KCNQ1: variants seen among roughly 807,000 people sequenced by gnomAD.
KCNQ1 encodes the protein potassium voltage-gated channel subfamily Q member 1.
A neutral mutation model predicts 72.4 loss-of-function variants in KCNQ1; 49 were observed. That is an observed-to-expected ratio of 0.68 (90% CI 0.54 to 0.86). The LOEUF (loss-of-function observed/expected upper bound fraction) is 0.86, where lower values mean the gene tolerates loss of function less well. Among genes scored for constraint, KCNQ1 ranks in the 40% least tolerant of loss-of-function variants. KCNQ1 has a pLI of 0.00. For missense variants in KCNQ1, 790 were observed against 945.1 expected, an observed-to-expected ratio of 0.84 and a Z score of 2.15; for synonymous variants, 450 against 412.6, an observed-to-expected ratio of 1.09 and a Z score of -1.10.
chr11:2,558,478 C>T (rs551149515), intron 2 of KCNQ1, among the ~76,000 whole-genome samples: 44 of 152,324 alleles, frequency 2.9e-4, no homozygotes, highest in Non-Finnish European at 5.0e-4. Context: ...AAGCCCAGTT[C>T]GGAGCAGAGA....
intron 2 of KCNQ1, among the ~76,000 whole-genome samples, chr11:2,558,170 A>T (rs1312416599): frequency 6.6e-6 from 1 of 152,068 alleles, no homozygotes; most frequent in African/African-American, 2.4e-5. Context: ...CCCCTACATC[A>T]CTCCAGCTGC....
In KCNQ1 at chr11:2,746,018, T is replaced by G. The variant is rs971624113; in HGVS notation, c.1515-22826T>G. ...GATTGTCTCACCTCAGCCTCCTGAG[T>G]AGCTGGGACTACAGGTGTGCGCCAC... On this transcript the variant is annotated intron_variant, in intron 11 of 15. Transcript: ENST00000155840. The surrounding 1 kb of genome is among the most constrained non-coding windows in gnomAD (Gnocchi z 5.9). Among the ~76,000 whole-genome samples, 3 of 152,138 alleles carry G rather than the reference T, an allele frequency of 2.0e-5. No homozygotes were observed. The highest frequency in any genetic ancestry group is 7.2e-5 in the African/African-American group (3 of 41,422).
intron 10 of KCNQ1, among the ~76,000 whole-genome samples, chr11:2,589,317 C>G (rs1164863818): frequency 1.3e-5 from 2 of 152,186 alleles, no homozygotes; most frequent in African/African-American, 4.8e-5. Context: ...GGGACAGGCC[C>G]TTCTCATGCA....
chr11:2,570,845 A>G, intron 3 of KCNQ1, 91 bp downstream of exon 3: 1 of 1,565,524 alleles, frequency 6.4e-7, no homozygotes, highest in Admixed American at 1.7e-5. Context: ...GGAGTCCCCT[A>G]AGGACTGGGG....
At chr11:2,552,615 G>A (rs572409783) in intron 2 of KCNQ1, among the ~76,000 whole-genome samples, 19 of 152,294 alleles carry the variant, frequency 1.2e-4, no homozygotes, top group Admixed American at 7.8e-4. Flanking sequence ...AATTTTGATT[G>A]GCATTGCATT....
chr11:2,699,894 C>A (rs1850764388), intron 11 of KCNQ1: 2 of 398,156 alleles, frequency 5.0e-6, no homozygotes, highest in Non-Finnish European at 8.9e-6. Context: ...GAGGACCACG[C>A]TGAGAGGCAC....
rs1360193771 is a variant in KCNQ1 at position 2,562,299 on chromosome 11, G to C, written c.478-8329G>C. Among the ~76,000 whole-genome samples the C allele has an allele frequency of 6.6e-6, 1 of 152,168 alleles. No homozygotes were observed. Among genetic ancestry groups the C allele is most frequent in the Non-Finnish European group, 1.5e-5 (1 of 67,998 alleles). On this transcript the variant is annotated intron_variant, in intron 2 of 15. Transcript: ENST00000155840. This position sits in a 1 kb window ranked among gnomAD's most constrained non-coding sequence, Gnocchi z 7.5. ...GGGGGCCCACAAGCTCTCAGCACAG[G>C]CTGGCGGCTGGGAGCAGCTGGCCAC...
chr11:2,831,117 C>T (rs1027254483), intron 15 of KCNQ1, among the ~76,000 whole-genome samples: 7 of 152,324 alleles, frequency 4.6e-5, no homozygotes, highest in Admixed American at 3.9e-4. Context: ...TGCCTGCTTC[C>T]CAGTATGGCT....
chr11:2,573,555 G>T (rs976021381), intron 6 of KCNQ1, among the ~76,000 whole-genome samples: 1 of 152,228 alleles, frequency 6.6e-6, no homozygotes, highest in African/African-American at 2.4e-5. Flanking sequence ...AAGTTCTGGA[G>T]CCGGGCCTGG....
intron 11 of KCNQ1, among the ~76,000 whole-genome samples, chr11:2,717,436 T>G (rs1430564038): frequency 6.6e-6 from 1 of 152,206 alleles, no homozygotes; most frequent in African/African-American, 2.4e-5. Context: ...ACAGGGAGAC[T>G]TCTGGGTAGC....
chr11:2,473,088 G>T lies in KCNQ1; in HGVS notation c.386+27604G>T, dbSNP rs564769306. On this transcript the variant is annotated intron_variant, in intron 1 of 15. Transcript: ENST00000155840. The surrounding 1 kb of genome is among the most constrained non-coding windows in gnomAD (Gnocchi z 6.0). ...TGGGGAGCGCCTTCTGGGCAGAGTG[G>T]CACACAGGGTCCCACCCATCTCAAG... Among the ~76,000 whole-genome samples, 2 of 152,198 alleles carry T rather than the reference G, an allele frequency of 1.3e-5. No homozygotes were observed. Among genetic ancestry groups the T allele is most frequent in the Non-Finnish European group, 2.9e-5 (2 of 68,002 alleles).
At chr11:2,708,143 G>GT (rs1398204326) in intron 11 of KCNQ1, among the ~76,000 whole-genome samples, 1 of 152,228 alleles carries the variant, frequency 6.6e-6, no homozygotes, top group East Asian at 1.9e-4. Context: ...ACACAACATT[G>GT]TTTTTTATGG....
intron 1 of KCNQ1, among the ~76,000 whole-genome samples, chr11:2,461,072 C>T (rs1291599030): frequency 6.6e-6 from 1 of 152,174 alleles, no homozygotes; most frequent in Non-Finnish European, 1.5e-5. Context: ...GAGCCAATGG[C>T]CGTGGCTGGG....
At position 2,468,245 on chromosome 11, in the gene KCNQ1, CAA is replaced by C. The variant is rs1457974861; in HGVS notation, c.386+22762_386+22763del. Among the ~76,000 whole-genome samples, 1 of 152,142 alleles carries C rather than the reference CAA, an allele frequency of 6.6e-6. No individual in the cohort carries two copies. The highest frequency in any genetic ancestry group is 6.5e-5 in the Admixed American group (1 of 15,288). On this transcript the variant is annotated intron_variant, in intron 1 of 15. Coordinates refer to ENST00000155840, the MANE Select transcript of KCNQ1 (RefSeq NM_000218.3). This position sits in a 1 kb window ranked among gnomAD's most constrained non-coding sequence, Gnocchi z 5.7. Reference sequence around the variant, plus strand: ...CACTGCAGCCTCGACCTCCCTGGCTCAAGAGATCCTCCCGCCTCAGCCTCCTG... The same window carrying C: ...CACTGCAGCCTCGACCTCCCTGGCTCGAGATCCTCCCGCCTCAGCCTCCTG...
At chr11:2,540,094 C>G (rs754739621) in intron 2 of KCNQ1, among the ~76,000 whole-genome samples, 1 of 152,082 alleles carries the variant, frequency 6.6e-6, no homozygotes, top group Non-Finnish European at 1.5e-5. Context: ...TAGGATCCAC[C>G]CTGTGGGGCC....
At position 2,828,325 on chromosome 11, in the gene KCNQ1, CAT is replaced by C. The variant is rs1375094165; in HGVS notation, c.1795-19441_1795-19440del. On this transcript the variant is annotated intron_variant, in intron 15 of 15. Transcript: ENST00000155840. This position sits in a 1 kb window ranked among gnomAD's most constrained non-coding sequence, Gnocchi z 5.3. ...ACTGGTTAAACGTGATGGGTAAACA[CAT>C]GTCTATTTCAGCTTCTTTGAATCCC... is the stretch of plus-strand genomic sequence containing the variant. 6.6e-6 allele frequency among the ~76,000 whole-genome samples: 1 copy of C among 152,198 alleles called. No homozygotes were observed. The highest frequency in any genetic ancestry group is 2.4e-5 in the African/African-American group (1 of 41,450).
chr11:2,701,314 A>T (rs1003546968), intron 11 of KCNQ1, among the ~76,000 whole-genome samples: 16 of 152,222 alleles, frequency 1.1e-4, no homozygotes, highest in African/African-American at 3.9e-4. Flanking sequence ...AACGACGCCC[A>T]GATGAGTCCA....
chr11:2,640,171 T>C (rs1849550600), intron 10 of KCNQ1: 1 of 381,496 alleles, frequency 2.6e-6, no homozygotes. Flanking sequence ...AGGCGATGCC[T>C]CGCCCTACTT....
In KCNQ1 at chr11:2,475,737, G is replaced by GA. The variant is rs1316921402; in HGVS notation, c.386+30254dup. On this transcript the variant is annotated intron_variant, in intron 1 of 15. Coordinates refer to ENST00000155840, the MANE Select transcript of KCNQ1 (RefSeq NM_000218.3). The surrounding 1 kb of genome is among the most constrained non-coding windows in gnomAD (Gnocchi z 5.8). ...TGGGGGGTAATTGAATCACGGGGAC[G>GA]AGTCTTTCCTGTGCTGTTCTCGTAA... 6.6e-6 allele frequency among the ~76,000 whole-genome samples: 1 copy of GA among 152,146 alleles called. No individual in the cohort carries two copies. Among genetic ancestry groups the GA allele is most frequent in the Non-Finnish European group, 1.5e-5 (1 of 68,026 alleles).
Sources: allele counts gnomAD v4.1 joint callset (sites outside exome capture counted in the v4.1 genomes callset), GRCh38; gene constraint gnomAD v4.1.1; non-coding constraint Gnocchi (gnomAD v3.1); transcripts MANE v1.5; gene names NCBI Gene and HGNC (gene_info 2026-07-23, HGNC 2026-07-21).